AKAP13: variants seen among roughly 807,000 people sequenced by gnomAD.
AKAP13 encodes the protein A-kinase anchor protein 13.
AKAP13 carries 80 observed loss-of-function variants against 264.5 expected under a neutral mutation model. The observed-to-expected ratio is 0.30, with a 90% CI of 0.25 to 0.36. The LOEUF (loss-of-function observed/expected upper bound fraction) is 0.36, where lower values mean the gene tolerates loss of function less well. Among genes scored for constraint, AKAP13 ranks in the 10% least tolerant of loss-of-function variants. The pLI, the probability that AKAP13 is intolerant of heterozygous loss-of-function variation, is 1.00. For synonymous variants in AKAP13, 1,380 were observed against 1,250.2 expected (o/e 1.10, Z -2.19); for missense variants, 3,712 against 3,435.2 (o/e 1.08, Z -2.01).
intron 25 of AKAP13, among the ~76,000 whole-genome samples, chr15:85,722,669 A>G (rs2087363173): frequency 3.3e-5 from 5 of 152,074 alleles, no homozygotes. Flanking sequence ...TTTTCACTTA[A>G]TCAGTAATTA....
At chr15:85,504,515 A>AAAAAAAAAAAAAAAAAAAAAAAC (rs2076138411) in intron 2 of AKAP13, among the ~76,000 whole-genome samples, 1 of 41,290 alleles carries the variant, frequency 2.4e-5, no homozygotes, top group African/African-American at 9.5e-5. Flanking sequence ...AAAAAAAAAA[A>AAAAAAAAAAAAAAAAAAAAAAAC]AAAAAAAAAA....
chr15:85,419,612 T>G (rs761959678), intron 1 of AKAP13, among the ~76,000 whole-genome samples: 70 of 152,280 alleles, frequency 4.6e-4, no homozygotes, highest in Non-Finnish European at 7.8e-4. Context: ...TTTCCAAGTT[T>G]AGTGAGTTTT....
At chr15:85,714,642 T>A (rs2086818488) in intron 19 of AKAP13, among the ~76,000 whole-genome samples, 1 of 152,214 alleles carries the variant, frequency 6.6e-6, no homozygotes, top group Non-Finnish European at 1.5e-5. Context: ...CTGCTCCCAG[T>A]TATCTCTCAG....
intron 19 of AKAP13, 35 bp downstream of exon 19, chr15:85,710,680 T>G (rs8038249): frequency 0.76 from 1,221,904 of 1,603,128 alleles, 469,657 homozygotes; most frequent in Admixed American, 0.81. Flanking sequence ...ATTCCCTTTC[T>G]GACTTTCTGG....
intron 32 of AKAP13, 135 bp from the exon 33 acceptor site, chr15:85,735,955 C>T (rs2088447824): frequency 1.3e-6 from 1 of 785,202 alleles, no homozygotes; most frequent in Non-Finnish European, 2.1e-6. Context: ...AATAGTTCAA[C>T]CTCTTAAACC....
intron 1 of AKAP13, among the ~76,000 whole-genome samples, chr15:85,437,027 AG>A: frequency 6.7e-6 from 1 of 148,526 alleles, no homozygotes; most frequent in Non-Finnish European, 1.5e-5. Flanking sequence ...CAATGAATCC[AG>A]GAGCTGGTTT....
At chr15:85,625,456 G>A (rs1296229411) in intron 8 of AKAP13, among the ~76,000 whole-genome samples, 3 of 152,164 alleles carry the variant, frequency 2.0e-5, no homozygotes, top group African/African-American at 7.2e-5. Context: ...TTATCTGTTA[G>A]CGTGAAAACC....
intron 10 of AKAP13, among the ~76,000 whole-genome samples, chr15:85,647,532 T>G (rs2082611300): frequency 6.6e-6 from 1 of 152,230 alleles, no homozygotes. Flanking sequence ...TGACTTTTTT[T>G]TTTTTGAACT....
intron 1 of AKAP13, among the ~76,000 whole-genome samples, chr15:85,438,479 T>G (rs2073438499): frequency 6.6e-6 from 1 of 150,440 alleles, no homozygotes; most frequent in Admixed American, 6.6e-5. Flanking sequence ...TTAAAGTTCA[T>G]ATGGAACCAA....
chr15:85,408,334 C>A (rs1455233573), intron 1 of AKAP13, among the ~76,000 whole-genome samples: 1 of 151,686 alleles, frequency 6.6e-6, no homozygotes, highest in African/African-American at 2.4e-5. Flanking sequence ...CCATCTTAAC[C>A]ATTTACCGTC....
intron 16 of AKAP13, among the ~76,000 whole-genome samples, chr15:85,691,318 A>G (rs2085273273): frequency 6.6e-6 from 1 of 152,216 alleles, no homozygotes; most frequent in South Asian, 2.1e-4. Flanking sequence ...ACTCTGCCAA[A>G]CAGTGCTTCT....
chr15:85,460,431 C>A (rs763876733), intron 1 of AKAP13, among the ~76,000 whole-genome samples: 14 of 152,222 alleles, frequency 9.2e-5, no homozygotes, highest in Non-Finnish European at 1.6e-4. Flanking sequence ...TTCATGAACC[C>A]TGTCACCCCC....
chr15:85,482,380 C>T (rs1174924413), intron 1 of AKAP13, among the ~76,000 whole-genome samples: 1 of 152,010 alleles, frequency 6.6e-6, no homozygotes, highest in African/African-American at 2.4e-5. Context: ...GTTTTATTTA[C>T]CTGTGTTACC....
chr15:85,720,929 G>A (rs2041475235), intron 23 of AKAP13, among the ~76,000 whole-genome samples: 1 of 152,350 alleles, frequency 6.6e-6, no homozygotes, highest in East Asian at 1.9e-4. Flanking sequence ...TGCAAATGCA[G>A]TGCGGTAAAT....
chr15:85,493,253 A>G (rs1325950484), intron 2 of AKAP13, among the ~76,000 whole-genome samples: 1 of 152,240 alleles, frequency 6.6e-6, no homozygotes, highest in Non-Finnish European at 1.5e-5. Context: ...CTTAGTAAAC[A>G]TTCATTGAGT....
intron 1 of AKAP13, among the ~76,000 whole-genome samples, chr15:85,437,487 T>C (rs1472143243): frequency 6.6e-6 from 1 of 151,406 alleles, no homozygotes; most frequent in Non-Finnish European, 1.5e-5. Context: ...AGCATCATTC[T>C]GATACCAAAG....
chr15:85,655,503 T>C lies in AKAP13; in HGVS notation c.4461T>C (p.His1487=), dbSNP rs779053007. ...DTASLDRHSS[H]GSDVSLSQIL... is the part of the protein sequence containing the mutation. ...CTTCACTGGACCGACATTCTTCTCA[T>C]GGCAGTGATGTGTCTCTCTCCCAGA... The change falls in exon 11 of 37, where the codon CAT becomes CAC. Residue 1487 remains histidine, a synonymous_variant. Coordinates refer to ENST00000394518, the MANE Select transcript of AKAP13 (RefSeq NM_007200.5). 4 of 1,614,112 alleles carry C rather than the reference T, an allele frequency of 2.5e-6. No homozygotes were observed. The Admixed American group carries it at 6.7e-5, about 27-fold the overall frequency.
intron 2 of AKAP13, among the ~76,000 whole-genome samples, chr15:85,493,548 T>C (rs1248879917): frequency 6.6e-6 from 1 of 152,194 alleles, no homozygotes; most frequent in Non-Finnish European, 1.5e-5. Flanking sequence ...GTGTGTTTGA[T>C]AGTTTTATTA....
At chr15:85,425,350 A>G (rs2072725228) in intron 1 of AKAP13, among the ~76,000 whole-genome samples, 1 of 152,146 alleles carries the variant, frequency 6.6e-6, no homozygotes. Context: ...ATATAAGATA[A>G]AGCCTTTTGG....
Sources: allele counts gnomAD v4.1 joint callset (sites outside exome capture counted in the v4.1 genomes callset), GRCh38; gene constraint gnomAD v4.1.1; transcripts MANE v1.5; gene names NCBI Gene and HGNC (gene_info 2026-07-23, HGNC 2026-07-21).